The following KCNH8 variants were observed in gnomAD, a reference collection of about 807,000 sequenced individuals.
The protein encoded by KCNH8 is potassium voltage-gated channel subfamily H member 8.
In KCNH8, 70 loss-of-function variants were observed where a neutral mutation model predicts 103.6. The ratio of observed to expected loss-of-function variants is 0.68; its 90% CI spans 0.56 to 0.82. KCNH8 has a LOEUF of 0.82. Ranked by LOEUF, KCNH8 falls within the 40% of genes least tolerant of loss-of-function variation. The pLI is 0.00. For missense variants in KCNH8, 1,217 were observed against 1,329.9 expected, an observed-to-expected ratio of 0.92 and a Z score of 1.32; for synonymous variants, 498 against 489.4, an observed-to-expected ratio of 1.02 and a Z score of -0.23.
At chr3:19,415,666 TC>T (rs1472497751) in intron 7 of KCNH8, among the ~76,000 whole-genome samples, 5 of 152,082 alleles carry the variant, frequency 3.3e-5, no homozygotes, top group African/African-American at 7.2e-5. Context: ...GTCCAAATGC[TC>T]GTGCATCTGC....
At chr3:19,499,304 C>G (rs989081251) in intron 11 of KCNH8, among the ~76,000 whole-genome samples, 3 of 152,160 alleles carry the variant, frequency 2.0e-5, no homozygotes, top group Non-Finnish European at 2.9e-5. Flanking sequence ...AAGACCAAAT[C>G]TACGTCTGAT....
chr3:19,427,564 T>G (rs1221499569), intron 7 of KCNH8, among the ~76,000 whole-genome samples: 1 of 152,222 alleles, frequency 6.6e-6, no homozygotes, highest in African/African-American at 2.4e-5. Flanking sequence ...GTATGACCTA[T>G]ATCAATATCT....
At chr3:19,201,228 C>T (rs1400239030) in intron 1 of KCNH8, among the ~76,000 whole-genome samples, 1 of 2,134 alleles carries the variant, frequency 4.7e-4, no homozygotes, top group Non-Finnish European at 1.6e-3. Context: ...CAAGACTCTG[C>T]CTCAAAAAAA....
At chr3:19,226,880 C>T (rs1369134726) in intron 1 of KCNH8, among the ~76,000 whole-genome samples, 1 of 152,124 alleles carries the variant, frequency 6.6e-6, no homozygotes, top group East Asian at 1.9e-4. Flanking sequence ...TACATTAGAT[C>T]TATGATTTGT....
At chr3:19,495,230 T>C (rs1298841251) in intron 11 of KCNH8, among the ~76,000 whole-genome samples, 2 of 152,208 alleles carry the variant, frequency 1.3e-5, no homozygotes, top group African/African-American at 4.8e-5. Context: ...TTTGCCTTTG[T>C]TGCAATTGCT....
intron 11 of KCNH8, among the ~76,000 whole-genome samples, chr3:19,505,732 ATGGATGATAT>A (rs1429863494): frequency 1.3e-5 from 2 of 152,132 alleles, no homozygotes. Context: ...GAAGGTTTGC[ATGGATGATAT>A]TCTGAGATAT....
intron 3 of KCNH8, among the ~76,000 whole-genome samples, chr3:19,327,021 T>C (rs2065433311): frequency 6.6e-6 from 1 of 152,126 alleles, no homozygotes; most frequent in African/African-American, 2.4e-5. Context: ...TTGTCTAAGA[T>C]GTCTAGTTCT....
In KCNH8 at chr3:19,148,654, G is replaced by T; in HGVS notation, c.-66G>T. 6.6e-7 allele frequency: 1 copy of T among 1,506,926 alleles called. No homozygotes were observed. The highest frequency in any genetic ancestry group is 9.2e-7 in the Non-Finnish European group (1 of 1,081,734). 93.3% of individuals were successfully genotyped at this position (1,506,926 alleles called of 1,614,324 possible). A position where few individuals can be genotyped will look rare whatever the true frequency, so the allele number is the denominator to read the frequency against. ...ATCAGGTTCCCCTTCTCCCTTCTTG[G>T]CACTTTCCTTTCGAACCATCCTTCT... On this transcript the variant is annotated 5_prime_UTR_variant, in exon 1 of 16. Coordinates refer to ENST00000328405, the MANE Select transcript of KCNH8 (RefSeq NM_144633.3).
At chr3:19,531,203 G>A (rs754063783) in intron 15 of KCNH8, among the ~76,000 whole-genome samples, 4 of 152,106 alleles carry the variant, frequency 2.6e-5, no homozygotes, top group African/African-American at 9.7e-5. Context: ...CTATATGAAC[G>A]GATGGCTAAT....
chr3:19,172,791 T>C (rs2063360466), intron 1 of KCNH8, among the ~76,000 whole-genome samples: 1 of 152,184 alleles, frequency 6.6e-6, no homozygotes, highest in South Asian at 2.1e-4. Flanking sequence ...GTTCAAGCTC[T>C]TATCTACCTT....
At chr3:19,265,998 A>C (rs553281024) in intron 2 of KCNH8, among the ~76,000 whole-genome samples, 1 of 151,786 alleles carries the variant, frequency 6.6e-6, no homozygotes, top group South Asian at 2.1e-4. Context: ...CTGCAGACCA[A>C]CCTCCAGTTC....
chr3:19,224,496 A>G (rs935826383), intron 1 of KCNH8, among the ~76,000 whole-genome samples: 4 of 151,714 alleles, frequency 2.6e-5, no homozygotes, highest in African/African-American at 9.7e-5. Flanking sequence ...CCTTTCCAAT[A>G]ATTTATTCCT....
intron 3 of KCNH8, among the ~76,000 whole-genome samples, chr3:19,335,845 T>C (rs1475979147): frequency 6.6e-6 from 1 of 151,862 alleles, no homozygotes; most frequent in African/African-American, 2.4e-5. Flanking sequence ...AGTAATTTTA[T>C]AATTTTTAAA....
intron 5 of KCNH8, among the ~76,000 whole-genome samples, chr3:19,371,378 T>C (rs1280653958): frequency 6.6e-6 from 1 of 152,116 alleles, no homozygotes; most frequent in Non-Finnish European, 1.5e-5. Context: ...AAGCATTTTT[T>C]CATGTGTTTT....
intron 3 of KCNH8, among the ~76,000 whole-genome samples, chr3:19,315,099 A>G (rs917348025): frequency 1.3e-5 from 2 of 152,014 alleles, no homozygotes; most frequent in African/African-American, 2.4e-5. Context: ...AGAGGTAAGA[A>G]AAGAGCTCCT....
intron 3 of KCNH8, among the ~76,000 whole-genome samples, chr3:19,308,431 C>A (rs1213317268): frequency 2.0e-5 from 3 of 151,792 alleles, no homozygotes; most frequent in African/African-American, 7.3e-5. Flanking sequence ...GAAGCCTAAT[C>A]AGTTACCTTG....
At chr3:19,265,951 A>G (rs2064504194) in intron 2 of KCNH8, among the ~76,000 whole-genome samples, 1 of 152,002 alleles carries the variant, frequency 6.6e-6, no homozygotes, top group Non-Finnish European at 1.5e-5. Context: ...TCAGACCCTT[A>G]CAATTTTGGT....
At chr3:19,171,943 A>T (rs1255000894) in intron 1 of KCNH8, among the ~76,000 whole-genome samples, 1 of 152,188 alleles carries the variant, frequency 6.6e-6, no homozygotes. Flanking sequence ...GTTTGCACTC[A>T]TTGTGTGACA....
chr3:19,343,457 G>A (rs2065688241), intron 4 of KCNH8, among the ~76,000 whole-genome samples: 1 of 152,068 alleles, frequency 6.6e-6, no homozygotes, highest in Non-Finnish European at 1.5e-5. Context: ...CTAGAACAAT[G>A]TCTCTTTAGT....
Sources: gnomAD v4.1 joint callset for allele counts (sites outside exome capture counted in the v4.1 genomes callset) on GRCh38, gnomAD v4.1.1 for gene constraint, MANE v1.5 for transcripts, NCBI Gene and HGNC (gene_info 2026-07-23, HGNC 2026-07-21) for gene names.